DENND4A: variants seen among roughly 807,000 people sequenced by gnomAD.
DENND4A encodes DENN domain containing 4A, also known as C-myc promoter-binding protein.
A neutral mutation model predicts 199.3 loss-of-function variants in DENND4A; 70 were observed. The observed-to-expected ratio is 0.35, with a 90% CI of 0.29 to 0.43. The LOEUF is 0.43. Among genes scored for constraint, DENND4A ranks in the 20% least tolerant of loss-of-function variants. DENND4A has a pLI of 1.00. For synonymous variants in DENND4A, 686 were observed against 766.9 expected (o/e 0.89, Z 1.74); for missense variants, 1,723 against 2,255.8 (o/e 0.76, Z 4.78).
chr15:65,668,209 TC>T (rs371542840), intron 27 of DENND4A, 86 bp from the exon 28 acceptor site: 21 of 767,272 alleles, frequency 2.7e-5, no homozygotes, highest in Middle Eastern at 4.1e-4. Flanking sequence ...TCTCTCTCTC[TC>T]TTTTTTTTTT....
intron 14 of DENND4A, among the ~76,000 whole-genome samples, chr15:65,707,179 C>T (rs954752904): frequency 1.3e-4 from 20 of 151,802 alleles, no homozygotes; most frequent in Non-Finnish European, 8.8e-5. Context: ...ACTAGATACT[C>T]GATAGCAAGG....
At position 65,711,729 on chromosome 15, in the gene DENND4A, A is replaced by T. The variant is rs1035128291; in HGVS notation, c.1953+3749T>A. The stretch of plus-strand genomic sequence containing the variant: ...ATTAAACTTTGTACATCAATGGTGT[A>T]TCTACTGTTTGTATATCTCAATAAA... On this transcript the variant is annotated intron_variant, in intron 14 of 32. Coordinates refer to ENST00000443035, the MANE Select transcript of DENND4A (RefSeq NM_001320835.1). 2.6e-5 allele frequency among the ~76,000 whole-genome samples: 4 copies of T among 152,230 alleles called. No homozygotes were observed. The East Asian group carries it at 5.8e-4, about 22-fold the overall frequency.
At chr15:65,736,168 C>G (rs2076109965) in intron 7 of DENND4A, among the ~76,000 whole-genome samples, 1 of 152,126 alleles carries the variant, frequency 6.6e-6, no homozygotes, top group African/African-American at 2.4e-5. Flanking sequence ...CTTGGCAAAT[C>G]AGTATTTAAC....
chr15:65,696,315 A>C, intron 22 of DENND4A, 51 bp downstream of exon 22: 2 of 1,573,158 alleles, frequency 1.3e-6, no homozygotes, highest in Non-Finnish European at 1.7e-6. Context: ...TTCACTAGTC[A>C]TACAGATACA....
At position 65,729,575 on chromosome 15, in the gene DENND4A, G is replaced by A. The variant is rs766703863; in HGVS notation, c.1270C>T (p.Arg424Trp). Residue 424 changes from arginine to tryptophan, a missense_variant, in exon 10 of 33, where the codon CGG becomes TGG. By Grantham distance (101) the Arg-to-Trp change is moderately radical. Transcript: ENST00000443035. ...TEHKILIHSL[R>W]PSVLTSVTEA... ...GTCACACTAGTAAGCACGGATGGCC[G>A]TAGGGAATGGATAAGAATTTTATGT... 5.0e-6 allele frequency: 8 copies of A among 1,605,156 alleles called. No homozygotes were observed. The highest frequency in any genetic ancestry group is 1.7e-5 in the Admixed American group (1 of 59,040).
At chr15:65,749,109 C>T (rs748766139) in intron 4 of DENND4A, among the ~76,000 whole-genome samples, 6 of 150,536 alleles carry the variant, frequency 4.0e-5, no homozygotes, top group Non-Finnish European at 7.4e-5. Flanking sequence ...CCAATATTCT[C>T]GTACTTTATT....
In DENND4A at chr15:65,716,375, C is replaced by G. The variant is rs1186097623; in HGVS notation, c.1808-752G>C. ...TCATCATTTAACATTAGGTATATCT[C>G]CTAATGCTATCCCTCCCCCCTCCCC... On this transcript the variant is annotated intron_variant, in intron 13 of 32. Transcript: ENST00000443035. Among the ~76,000 whole-genome samples, 5 of 147,356 alleles carry G rather than the reference C, an allele frequency of 3.4e-5. No individual in the cohort carries two copies. In the East Asian group the frequency reaches 1.0e-3, roughly 30 times the overall value.
chr15:65,715,995 C>G (rs1359187900), intron 13 of DENND4A, among the ~76,000 whole-genome samples: 2 of 151,958 alleles, frequency 1.3e-5, no homozygotes, highest in African/African-American at 2.4e-5. Context: ...ATGGCTTTCT[C>G]AAAGCAGCAG....
Position 65,737,831 on chromosome 15 carries a change from T to C in DENND4A, c.916A>G (p.Thr306Ala). 3.7e-6 allele frequency: 6 copies of C among 1,602,838 alleles called. No homozygotes were observed. The highest frequency in any genetic ancestry group is 1.3e-5 in the African/African-American group (1 of 74,896). Reference sequence around the variant, plus strand: ...CAGATGCATTTGTTAGTATGAATTGTTTTGGAACTATCAGACTTCCCATCT... The same window carrying C: ...CAGATGCATTTGTTAGTATGAATTGCTTTGGAACTATCAGACTTCCCATCT... The part of the protein sequence containing the change: ...SADGKSDSSK[T>A]IHTNKCICLL... The change falls in exon 7 of 33, where the codon ACA (threonine) becomes GCA (alanine). Residue 306 changes from threonine (T) to alanine (A), a missense_variant. Physicochemically the swap from Thr to Ala is moderately conservative, Grantham distance 58 (BLOSUM62 0). Transcript: ENST00000443035.
At chr15:65,701,735 C>A (rs773059637) in intron 18 of DENND4A, 27 bp downstream of exon 18, 1 of 1,605,194 alleles carries the variant, frequency 6.2e-7, no homozygotes, top group Non-Finnish European at 8.5e-7. Context: ...AAGTAATACT[C>A]TTTATCCATT....
At chr15:65,739,528 A>G (rs563090157) in intron 5 of DENND4A, among the ~76,000 whole-genome samples, 2 of 152,278 alleles carry the variant, frequency 1.3e-5, no homozygotes, top group African/African-American at 4.8e-5. Flanking sequence ...AGAACCTTGT[A>G]CCTCATTTTG....
rs2076594609 is a variant in DENND4A, at chr15:65,752,516, T to C, written c.424A>G (p.Ile142Val). ...SGSTSSQRIY[I>V]TYRRASENMT... ...TTTTCAGAGGCTCTTCGGTAAGTGA[T>C]ATAAATTCTTTGTGATGAGGTACTC... Residue 142 changes from isoleucine to valine, a missense_variant, in exon 4 of 33, where the codon ATC (isoleucine) becomes GTC (valine). Physicochemically the swap from Ile to Val is conservative, Grantham distance 29 (BLOSUM62 3). Transcript: ENST00000443035. 2 of 1,613,702 alleles carry C rather than the reference T, an allele frequency of 1.2e-6. No homozygotes were observed. The highest frequency in any genetic ancestry group is 4.5e-5 in the East Asian group (2 of 44,860).
At chr15:65,671,133 T>C (rs959351538) in intron 25 of DENND4A, among the ~76,000 whole-genome samples, 15 of 152,160 alleles carry the variant, frequency 9.9e-5, no homozygotes, top group African/African-American at 3.6e-4. Flanking sequence ...TATGCTTGCA[T>C]AGCAAAACTG....
At chr15:65,751,308 G>A (rs2076555486) in intron 4 of DENND4A, among the ~76,000 whole-genome samples, 2 of 152,214 alleles carry the variant, frequency 1.3e-5, no homozygotes, top group African/African-American at 4.8e-5. Flanking sequence ...GTTTTTCAGT[G>A]TGAGTTACTA....
intron 1 of DENND4A, among the ~76,000 whole-genome samples, chr15:65,769,804 AG>A (rs1472017115): frequency 6.6e-6 from 1 of 152,196 alleles, no homozygotes; most frequent in Non-Finnish European, 1.5e-5. Flanking sequence ...TCACTCACAA[AG>A]AAGTACCAAA....
At chr15:65,689,564 A>G (rs937870934) in intron 23 of DENND4A, among the ~76,000 whole-genome samples, 4 of 152,172 alleles carry the variant, frequency 2.6e-5, no homozygotes, top group East Asian at 1.9e-4. Context: ...TGGTTTGCCA[A>G]TGGTCCTAAG....
intron 1 of DENND4A, among the ~76,000 whole-genome samples, chr15:65,773,626 T>G (rs1241422204): frequency 6.6e-6 from 1 of 152,160 alleles, no homozygotes; most frequent in African/African-American, 2.4e-5. Context: ...TCCTGGACAG[T>G]ATCAAAAGTA....
chr15:65,686,528 T>C (rs957810221), intron 23 of DENND4A, among the ~76,000 whole-genome samples: 1 of 152,190 alleles, frequency 6.6e-6, no homozygotes, highest in African/African-American at 2.4e-5. Context: ...TGAATATACA[T>C]GGATAATTAT....
intron 2 of DENND4A, among the ~76,000 whole-genome samples, chr15:65,758,572 A>G (rs1330259569): frequency 6.6e-6 from 1 of 152,164 alleles, no homozygotes; most frequent in Non-Finnish European, 1.5e-5. Context: ...TCAGCCTCCC[A>G]AAGTGTTGGG....
Sources: gnomAD v4.1 joint callset for allele counts (sites outside exome capture counted in the v4.1 genomes callset) on GRCh38, gnomAD v4.1.1 for gene constraint, MANE v1.5 for transcripts, NCBI Gene and HGNC (gene_info 2026-07-23, HGNC 2026-07-21) for gene names.